Variants in NEBL observed in about 807,000 individuals in gnomAD.
NEBL encodes the protein LIM and SH3 protein 2.
NEBL carries 122 observed loss-of-function variants against 140.2 expected under a neutral mutation model. That is an observed-to-expected ratio of 0.87 (90% confidence interval 0.75 to 1.01). The LOEUF (loss-of-function observed/expected upper bound fraction) is 1.01, where lower values mean the gene tolerates loss of function less well. NEBL is among the 50% of genes least tolerant of loss of function. NEBL has a pLI of 0.00. For synonymous variants in NEBL, 436 were observed against 398.9 expected (o/e 1.09, Z -1.11); for missense variants, 1,365 against 1,231.3 (o/e 1.11, Z -1.62).
chr10:21,226,063 CTGATTA>C (rs1466746107), intron 3 of NEBL, among the ~76,000 whole-genome samples: 1 of 152,072 alleles, frequency 6.6e-6, no homozygotes, highest in Non-Finnish European at 1.5e-5. Context: ...TGTCTCACTG[CTGATTA>C]TCCAGGGCCC....
intron 18 of NEBL, 96 bp downstream of exon 18, chr10:20,826,351 A>T: frequency 1.1e-6 from 1 of 944,318 alleles, no homozygotes; most frequent in Non-Finnish European, 1.7e-6. Context: ...GAAGAATAAA[A>T]GGAAAAAAGC....
intron 17 of NEBL, among the ~76,000 whole-genome samples, chr10:20,827,508 T>A (rs987969553): frequency 6.6e-6 from 1 of 152,244 alleles, no homozygotes; most frequent in Admixed American, 6.5e-5. Flanking sequence ...AGATGCTTCC[T>A]TAACTATTAA....
At chr10:20,842,772 A>G (rs1316529095) in intron 12 of NEBL, among the ~76,000 whole-genome samples, 1 of 152,058 alleles carries the variant, frequency 6.6e-6, no homozygotes, top group African/African-American at 2.4e-5. Context: ...TTTGAAGTGC[A>G]CTATATACTA....
intron 3 of NEBL, among the ~76,000 whole-genome samples, chr10:21,210,878 TA>T (rs1178431457): frequency 6.6e-6 from 1 of 152,218 alleles, no homozygotes; most frequent in Non-Finnish European, 1.5e-5. Context: ...TGTAAGTCTT[TA>T]AAAAACCTGT....
chr10:21,051,421 G>C (rs926138000), intron 2 of NEBL, among the ~76,000 whole-genome samples: 1 of 152,154 alleles, frequency 6.6e-6, no homozygotes, highest in Non-Finnish European at 1.5e-5. Context: ...GTTGAAGTTA[G>C]GTTGATATGA....
At chr10:21,101,818 C>A (rs958672739) in intron 2 of NEBL, among the ~76,000 whole-genome samples, 12 of 152,222 alleles carry the variant, frequency 7.9e-5, no homozygotes, top group African/African-American at 2.7e-4. Flanking sequence ...AGATCTACCA[C>A]TTACTGAATG....
intron 2 of NEBL, chr10:21,029,460 G>C (rs143983323): frequency 6.2e-7 from 1 of 1,611,618 alleles, no homozygotes; most frequent in East Asian, 2.2e-5. Flanking sequence ...TCAGTGCCCT[G>C]AGTCTCAATT....
At chr10:21,085,886 T>G (rs1487303516) in intron 2 of NEBL, among the ~76,000 whole-genome samples, 1 of 152,138 alleles carries the variant, frequency 6.6e-6, no homozygotes, top group Admixed American at 6.5e-5. Context: ...CTCTCAGATA[T>G]CATGAATAAA....
At chr10:21,233,817 ACATATATATG>A (rs1024929453) in intron 3 of NEBL, among the ~76,000 whole-genome samples, 1 of 142,854 alleles carries the variant, frequency 7.0e-6, no homozygotes, top group Non-Finnish European at 1.5e-5. Flanking sequence ...GATATATATT[ACATATATATG>A]CATATATATG....
intron 4 of NEBL, among the ~76,000 whole-genome samples, chr10:20,924,865 G>C (rs1229701708): frequency 2.6e-5 from 4 of 152,018 alleles, no homozygotes; most frequent in African/African-American, 9.7e-5. Flanking sequence ...AACTGCAGGA[G>C]TCGAGGGGTA....
At chr10:21,253,598 C>A (rs1842616787) in intron 1 of NEBL, among the ~76,000 whole-genome samples, 1 of 140,166 alleles carries the variant, frequency 7.1e-6, no homozygotes, top group African/African-American at 2.7e-5. Context: ...GGCTGGAGTG[C>A]AATGGCGCAA....
intron 3 of NEBL, among the ~76,000 whole-genome samples, chr10:21,194,982 G>A (rs555207512): frequency 6.6e-6 from 1 of 152,102 alleles, no homozygotes; most frequent in Admixed American, 6.6e-5. Flanking sequence ...GATTCAAGAG[G>A]TGATCAAAGC....
intron 4 of NEBL, among the ~76,000 whole-genome samples, chr10:20,941,139 G>A (rs973635581): frequency 6.6e-6 from 1 of 151,898 alleles, no homozygotes; most frequent in African/African-American, 2.4e-5. Flanking sequence ...ACAAAAAAAG[G>A]GAATTTTAGA....
rs898051376 is a variant in NEBL, at chr10:21,160,251, C to G, written c.164+12132G>C. Among the ~76,000 whole-genome samples, 7 of 152,142 alleles carry G rather than the reference C, an allele frequency of 4.6e-5. No individual in the cohort carries two copies. In the South Asian group the frequency reaches 1.5e-3, roughly 32 times the overall value. ...TGCCAAACTGCCATTCTGCAGGACA[C>G]TTCCTGGGCAGCAGCCCCCGTGTGC... is the stretch of plus-strand genomic sequence containing the variant. On this transcript the variant is annotated intron_variant, in intron 2 of 6. Transcript: ENST00000417816.
At chr10:21,280,136 T>C (rs1487657202) in intron 1 of NEBL, among the ~76,000 whole-genome samples, 1 of 151,944 alleles carries the variant, frequency 6.6e-6, no homozygotes, top group Admixed American at 6.6e-5. Context: ...TCACCTGGGG[T>C]CTTTCCACGG....
At chr10:20,825,544 G>C (rs1050185468) in intron 18 of NEBL, among the ~76,000 whole-genome samples, 1 of 151,932 alleles carries the variant, frequency 6.6e-6, no homozygotes. Context: ...GTGTGTGCCT[G>C]TAATCCCAGC....
At chr10:21,187,711 A>T (rs572745717) in intron 3 of NEBL, among the ~76,000 whole-genome samples, 1 of 151,966 alleles carries the variant, frequency 6.6e-6, no homozygotes, top group Admixed American at 6.6e-5. Flanking sequence ...AGGGGATTTC[A>T]CCATGCTGCC....
At chr10:20,872,423 T>A (rs1053036544) in intron 5 of NEBL, among the ~76,000 whole-genome samples, 12 of 152,076 alleles carry the variant, frequency 7.9e-5, no homozygotes, top group Admixed American at 2.0e-4. Context: ...TTGGGGGACA[T>A]TCAAGAGGGT....
rs1187467121 is a variant in NEBL, at chr10:21,288,819, T to TATATATA, written n.182+4010_182+4011insTATATAT. On this transcript the variant is annotated intron_variant and non_coding_transcript_variant, in intron 1 of 8. Coordinates refer to the NEBL transcript ENST00000675702. ...ATCTGACAATATATACGTGTGTGTG[T>TATATATA]GTATATATATATATATATATATATA... 7.3e-4 allele frequency among the ~76,000 whole-genome samples: 7 copies of TATATATA among 9,570 alleles called. No homozygotes were observed. In the East Asian group the frequency reaches 0.035, roughly 48 times the overall value. The allele number at this position is 9,570 out of a possible 152,430, so 6.3% of individuals were successfully genotyped here. A position where few individuals can be genotyped will look rare whatever the true frequency, so the allele number is the denominator to read the frequency against.
Sources: gnomAD v4.1 joint callset for allele counts (sites outside exome capture counted in the v4.1 genomes callset) on GRCh38, gnomAD v4.1.1 for gene constraint, MANE v1.5 for transcripts, NCBI Gene and HGNC (gene_info 2026-07-23, HGNC 2026-07-21) for gene names.